The following OPCML variants were observed in gnomAD, a reference collection of about 807,000 sequenced individuals.
OPCML encodes the protein opioid binding protein/cell adhesion molecule like.
In OPCML, 13 loss-of-function variants were observed where a neutral mutation model predicts 37.8. The observed-to-expected ratio is 0.34, with a 90% CI of 0.22 to 0.55. The LOEUF is 0.55. OPCML is among the 20% of genes least tolerant of loss of function. The pLI, the probability that OPCML is intolerant of heterozygous loss-of-function variation, is 0.91. For synonymous variants in OPCML, 176 were observed against 168.8 expected (o/e 1.04, Z -0.33); for missense variants, 341 against 435.6 (o/e 0.78, Z 1.93).
intron 1 of OPCML, among the ~76,000 whole-genome samples, chr11:132,967,611 G>C (rs1946244005): frequency 6.6e-6 from 1 of 152,014 alleles, no homozygotes. Flanking sequence ...TATATTATAA[G>C]CACAACAATA....
At chr11:132,630,810 C>T (rs571839211) in intron 3 of OPCML, among the ~76,000 whole-genome samples, 3 of 152,104 alleles carry the variant, frequency 2.0e-5, no homozygotes, top group Non-Finnish European at 4.4e-5. Context: ...AAAAGATTGG[C>T]ACAACAACAT....
At chr11:132,710,055 T>C (rs1944199600) in intron 2 of OPCML, among the ~76,000 whole-genome samples, 1 of 152,204 alleles carries the variant, frequency 6.6e-6, no homozygotes, top group Non-Finnish European at 1.5e-5. Flanking sequence ...ATTTATAATC[T>C]AAGTACACAA....
intron 2 of OPCML, among the ~76,000 whole-genome samples, chr11:132,889,572 G>A (rs1000468184): frequency 1.3e-5 from 2 of 152,168 alleles, no homozygotes; most frequent in Non-Finnish European, 2.9e-5. Flanking sequence ...GAACTATTAG[G>A]TTTTCCTTCC....
chr11:133,020,758 CA>C (rs1947435643), intron 1 of OPCML, among the ~76,000 whole-genome samples: 1 of 151,956 alleles, frequency 6.6e-6, no homozygotes, highest in Admixed American at 6.5e-5. Flanking sequence ...ATTTCATGTT[CA>C]AAAAAATGAC....
chr11:132,671,338 G>A (rs1057332990), intron 2 of OPCML, among the ~76,000 whole-genome samples: 1 of 152,026 alleles, frequency 6.6e-6, no homozygotes, highest in African/African-American at 2.4e-5. Context: ...TAGAAGGCAG[G>A]CAAAACTCTT....
intron 1 of OPCML, among the ~76,000 whole-genome samples, chr11:133,483,688 A>ATAGATAGG (rs1466656574): frequency 7.1e-6 from 1 of 141,212 alleles, no homozygotes; most frequent in East Asian, 2.0e-4. Context: ...AGATAGATAG[A>ATAGATAGG]TAGATAGATA....
chr11:132,416,250 C>T lies in OPCML; in HGVS notation c.*3943G>A, dbSNP rs2095938194. 6.6e-6 allele frequency: 1 copy of T among 152,140 alleles called. No homozygotes were observed. The highest frequency in any genetic ancestry group is 1.5e-5 in the Non-Finnish European group (1 of 68,018). 9.4% of individuals were successfully genotyped at this position (152,140 alleles called of 1,614,324 possible). A position where few individuals can be genotyped will look rare whatever the true frequency, so the allele number is the denominator to read the frequency against. The stretch of plus-strand genomic sequence containing the variant: ...TTTAGGTAATGCATAGCCAGTTTTT[C>T]TTTCTCAAGATCAAAGTCAGTATGG... On this transcript the variant is annotated 3_prime_UTR_variant, in exon 8 of 8. Transcript: ENST00000524381.
At chr11:133,105,899 T>C (rs564747801) in intron 1 of OPCML, among the ~76,000 whole-genome samples, 1 of 152,078 alleles carries the variant, frequency 6.6e-6, no homozygotes, top group South Asian at 2.1e-4. Flanking sequence ...GGAGAATCGC[T>C]TGAACCCGGG....
At chr11:132,780,356 C>G (rs1946963698) in intron 2 of OPCML, among the ~76,000 whole-genome samples, 1 of 152,188 alleles carries the variant, frequency 6.6e-6, no homozygotes, top group African/African-American at 2.4e-5. Flanking sequence ...AGACCAAGGA[C>G]AGCAGCTTTT....
At chr11:133,226,018 C>A (rs1592121613) in intron 1 of OPCML, among the ~76,000 whole-genome samples, 1 of 152,332 alleles carries the variant, frequency 6.6e-6, no homozygotes, top group East Asian at 1.9e-4. Context: ...TACAGAGAGG[C>A]TAAGTTACCT....
chr11:133,469,771 A>G (rs1473436255), intron 1 of OPCML, among the ~76,000 whole-genome samples: 1 of 150,830 alleles, frequency 6.6e-6, no homozygotes, highest in Non-Finnish European at 1.5e-5. Context: ...CTATTTTATG[A>G]AAAACCCCCA....
At chr11:133,514,459 C>G (rs1361344065) in intron 1 of OPCML, among the ~76,000 whole-genome samples, 1 of 152,200 alleles carries the variant, frequency 6.6e-6, no homozygotes. Context: ...TCCCTTCCTC[C>G]TCGTCTGGAG....
chr11:132,769,295 T>A (rs1371770911), intron 2 of OPCML, among the ~76,000 whole-genome samples: 2 of 150,716 alleles, frequency 1.3e-5, no homozygotes, highest in Admixed American at 1.3e-4. Flanking sequence ...TGGAGTGCAG[T>A]GGTGCGATCT....
At chr11:132,722,486 C>T (rs1944709632) in intron 2 of OPCML, among the ~76,000 whole-genome samples, 1 of 152,088 alleles carries the variant, frequency 6.6e-6, no homozygotes, top group African/African-American at 2.4e-5. Context: ...CCTTTTTCTG[C>T]ACTCCAGGGA....
chr11:133,213,136 T>C (rs1000267553), intron 1 of OPCML, among the ~76,000 whole-genome samples: 2 of 152,154 alleles, frequency 1.3e-5, no homozygotes, highest in African/African-American at 4.8e-5. Flanking sequence ...TGGGTTCCTT[T>C]TATTTTTGAA....
At chr11:132,786,254 T>C (rs1363214092) in intron 2 of OPCML, among the ~76,000 whole-genome samples, 1 of 152,210 alleles carries the variant, frequency 6.6e-6, no homozygotes, top group African/African-American at 2.4e-5. Context: ...ACTTTAGCTG[T>C]AACTCATCTA....
At chr11:133,297,758 C>T (rs1206360344) in intron 1 of OPCML, 1 of 152,184 alleles carries the variant, frequency 6.6e-6, no homozygotes, top group South Asian at 2.1e-4. Flanking sequence ...TTGTCTAGAG[C>T]ATGATCTCTC....
chr11:132,787,351 T>C (rs1947249953), intron 2 of OPCML, among the ~76,000 whole-genome samples: 2 of 152,184 alleles, frequency 1.3e-5, no homozygotes, highest in Non-Finnish European at 2.9e-5. Flanking sequence ...AGTTACGGAA[T>C]GAAGGTATTA....
rs148553015 is a variant in OPCML at position 132,956,354 on chromosome 11, C to T, written c.62-13344G>A. Among the ~76,000 whole-genome samples the T allele has an allele frequency of 2.7e-3, 416 of 152,300 alleles. 3 individuals are homozygous for T. The highest frequency in any genetic ancestry group is 9.6e-3 in the African/African-American group (398 of 41,558). The stretch of plus-strand genomic sequence containing the variant: ...AGAGCCAGATTCATCAGAAACATTG[C>T]TTGTGATTTACATAATTATTGTGAT... On this transcript the variant is annotated intron_variant, in intron 1 of 7. Transcript: ENST00000524381.
Sources: allele counts gnomAD v4.1 joint callset (sites outside exome capture counted in the v4.1 genomes callset), GRCh38; gene constraint gnomAD v4.1.1; transcripts MANE v1.5; gene names NCBI Gene and HGNC (gene_info 2026-07-23, HGNC 2026-07-21).